Variants in PTPRT observed in about 807,000 individuals in gnomAD.
PTPRT encodes receptor-type tyrosine-protein phosphatase T.
In PTPRT, 56 loss-of-function variants were observed where a neutral mutation model predicts 176.8. The observed-to-expected ratio is 0.32, with a 90% CI of 0.26 to 0.40. The LOEUF (loss-of-function observed/expected upper bound fraction) is 0.40, where lower values mean the gene tolerates loss of function less well. Ranked by LOEUF, PTPRT falls within the 10% of genes least tolerant of loss-of-function variation. PTPRT has a pLI of 1.00. For missense variants in PTPRT, 1,540 were observed against 1,908.2 expected, an observed-to-expected ratio of 0.81 and a Z score of 3.60; for synonymous variants, 783 against 739.0, an observed-to-expected ratio of 1.06 and a Z score of -0.96.
intron 10 of PTPRT, among the ~76,000 whole-genome samples, chr20:42,351,531 T>C (rs1207108635): frequency 6.6e-6 from 1 of 152,204 alleles, no homozygotes; most frequent in Non-Finnish European, 1.5e-5. Flanking sequence ...GCAAAATATG[T>C]ATGTATGCAG....
At chr20:42,714,801 G>T (rs1245341409) in intron 6 of PTPRT, among the ~76,000 whole-genome samples, 4 of 152,176 alleles carry the variant, frequency 2.6e-5, no homozygotes, top group Admixed American at 6.5e-5. Flanking sequence ...TTAGAGTTCT[G>T]GGCTGCTGAC....
intron 13 of PTPRT, among the ~76,000 whole-genome samples, chr20:42,276,494 GAA>G (rs2057031936): frequency 2.3e-5 from 1 of 42,756 alleles, no homozygotes; most frequent in Non-Finnish European, 4.8e-5. Flanking sequence ...GAGAAAGAAG[GAA>G]ATATATATAT....
At chr20:42,434,878 T>A (rs1371354619) in intron 9 of PTPRT, among the ~76,000 whole-genome samples, 1 of 151,760 alleles carries the variant, frequency 6.6e-6, no homozygotes, top group East Asian at 1.9e-4. Context: ...GGCATAAGAA[T>A]CTCTTGAACC....
chr20:43,150,753 G>A (rs892826223), intron 1 of PTPRT, among the ~76,000 whole-genome samples: 6 of 151,800 alleles, frequency 4.0e-5, no homozygotes, highest in East Asian at 3.9e-4. Context: ...CACTGTGTCC[G>A]GCCTTCCACA....
At chr20:43,045,629 A>ATTTT (rs3091704) in intron 1 of PTPRT, among the ~76,000 whole-genome samples, 1 of 132,814 alleles carries the variant, frequency 7.5e-6, no homozygotes, top group Non-Finnish European at 1.6e-5. Context: ...TAATTTTTCT[A>ATTTT]TTTTTTTTTT....
intron 7 of PTPRT, among the ~76,000 whole-genome samples, chr20:42,631,481 G>C (rs919212642): frequency 1.3e-5 from 2 of 152,162 alleles, no homozygotes; most frequent in Non-Finnish European, 2.9e-5. Context: ...GATGTTTTAA[G>C]TGGTTTCCGT....
intron 9 of PTPRT, among the ~76,000 whole-genome samples, chr20:42,404,989 C>CATATATAT (rs1480147606): frequency 1.0e-5 from 1 of 100,416 alleles, no homozygotes; most frequent in Non-Finnish European, 2.0e-5. Context: ...TATATATATA[C>CATATATAT]ACACACACAC....
intron 6 of PTPRT, among the ~76,000 whole-genome samples, chr20:42,707,548 A>T (rs765676246): frequency 1.3e-5 from 2 of 151,888 alleles, no homozygotes; most frequent in Non-Finnish European, 2.9e-5. Flanking sequence ...AGCACATGAC[A>T]AAGAATGTGT....
At chr20:42,128,975 G>T in intron 18 of PTPRT, 145 bp from the exon 19 acceptor site, 1 of 534,000 alleles carries the variant, frequency 1.9e-6, no homozygotes, top group Non-Finnish European at 2.9e-6. Flanking sequence ...CTCAGTTACT[G>T]CTCCCATTTA....
At chr20:42,365,846 G>A (rs2058506810) in intron 9 of PTPRT, among the ~76,000 whole-genome samples, 2 of 152,216 alleles carry the variant, frequency 1.3e-5, no homozygotes, top group Non-Finnish European at 1.5e-5. Flanking sequence ...ATAAGGATGA[G>A]TGTGTGGACT....
chr20:42,800,938 G>C (rs1258591096), intron 2 of PTPRT, among the ~76,000 whole-genome samples: 1 of 152,084 alleles, frequency 6.6e-6, no homozygotes, highest in Non-Finnish European at 1.5e-5. Flanking sequence ...CCACGACTGG[G>C]TCTGAAAGCA....
intron 1 of PTPRT, among the ~76,000 whole-genome samples, chr20:43,044,314 G>A (rs754763853): frequency 1.3e-5 from 2 of 152,088 alleles, no homozygotes; most frequent in Non-Finnish European, 2.9e-5. Context: ...TGGGGCTTAG[G>A]GCAGCCTGGA....
At chr20:42,298,960 C>G (rs2057423026) in intron 12 of PTPRT, among the ~76,000 whole-genome samples, 1 of 151,190 alleles carries the variant, frequency 6.6e-6, no homozygotes, top group African/African-American at 2.4e-5. Context: ...TACTGTGCAG[C>G]TGTAAAAAAA....
At chr20:42,913,664 T>G (rs1045124529) in intron 1 of PTPRT, among the ~76,000 whole-genome samples, 14 of 152,226 alleles carry the variant, frequency 9.2e-5, no homozygotes, top group Non-Finnish European at 1.8e-4. Context: ...TTTTCAAGAT[T>G]GAATGATGAG....
Position 42,080,938 on chromosome 20 carries a change from A to C in PTPRT, c.4273-6T>G. The C allele has an allele frequency of 6.3e-7, 1 of 1,596,902 alleles. No individual in the cohort carries two copies. The highest frequency in any genetic ancestry group is 1.7e-5 in the Admixed American group (1 of 59,972). ...TATACAAATTTATACTGTTCCTGAG[A>C]GGCGGAGAGGAGCAGAGGCAGAGAG... On this transcript the variant is annotated splice_region_variant and splice_polypyrimidine_tract_variant and intron_variant, in intron 30 of 30. Coordinates refer to ENST00000373187, the MANE Select transcript of PTPRT (RefSeq NM_007050.6).
chr20:42,963,141 G>C (rs942227110), intron 1 of PTPRT, among the ~76,000 whole-genome samples: 1 of 152,126 alleles, frequency 6.6e-6, no homozygotes, highest in African/African-American at 2.4e-5. Flanking sequence ...GAAGCTTGCA[G>C]TGAGCTTAGA....
chr20:43,129,957 A>C (rs2146377553), intron 1 of PTPRT, among the ~76,000 whole-genome samples: 1 of 152,360 alleles, frequency 6.6e-6, no homozygotes, highest in Non-Finnish European at 1.5e-5. Flanking sequence ...CACAGAATCA[A>C]GAATTCACAG....
intron 7 of PTPRT, among the ~76,000 whole-genome samples, chr20:42,607,132 A>C (rs2073892102): frequency 6.6e-6 from 1 of 152,206 alleles, no homozygotes; most frequent in Non-Finnish European, 1.5e-5. Context: ...GAGACACTTA[A>C]GAGTAGTCAA....
At chr20:42,820,346 A>C (rs1600788372) in intron 2 of PTPRT, among the ~76,000 whole-genome samples, 1 of 152,244 alleles carries the variant, frequency 6.6e-6, no homozygotes. Flanking sequence ...TTAAGGCAGA[A>C]ATCAAGAAGT....
Sources: allele counts gnomAD v4.1 joint callset (sites outside exome capture counted in the v4.1 genomes callset), GRCh38; gene constraint gnomAD v4.1.1; transcripts MANE v1.5; gene names NCBI Gene and HGNC (gene_info 2026-07-23, HGNC 2026-07-21).